GOLGA3: variants seen among roughly 807,000 people sequenced by gnomAD.
GOLGA3 encodes golgin subfamily A member 3.
In GOLGA3, 75 loss-of-function variants were observed where a neutral mutation model predicts 169.4. The observed-to-expected ratio is 0.44, with a 90% CI of 0.37 to 0.54. The LOEUF is 0.54. Among genes scored for constraint, GOLGA3 ranks in the 20% least tolerant of loss-of-function variants. The pLI is 0.00. For missense variants in GOLGA3, 1,899 were observed against 1,930.0 expected, an observed-to-expected ratio of 0.98 and a Z score of 0.30; for synonymous variants, 824 against 822.4, an observed-to-expected ratio of 1.00 and a Z score of -0.03.
Position 132,807,199 on chromosome 12 carries a change from G to A in GOLGA3, c.1268C>T (p.Ala423Val), listed in dbSNP as rs761026406. ...TACCTGACTCGCCTCCAGTGACAAG[G>A]CTTCCAGCTGTCCTTCGAGTCGCAT... ...EKMRLEGQLE[A>V]LSLEASQALK... The change falls in exon 6 of 24, where the codon GCC becomes GTC. Residue 423 changes from alanine to valine, a missense_variant. Coordinates refer to ENST00000450791, the MANE Select transcript of GOLGA3 (RefSeq NM_001389683.1). 58 of 1,605,824 alleles carry A rather than the reference G, an allele frequency of 3.6e-5. No individual in the cohort carries two copies. The highest frequency in any genetic ancestry group is 4.8e-5 in the Non-Finnish European group (57 of 1,175,460).
intron 16 of GOLGA3, chr12:132,783,928 A>G (rs750110022): frequency 1.4e-4 from 203 of 1,435,994 alleles, no homozygotes; most frequent in African/African-American, 2.9e-4. Context: ...GGGTTCCACT[A>G]TGAATTCTGT....
intron 9 of GOLGA3, among the ~76,000 whole-genome samples, 167 bp downstream of exon 9, chr12:132,798,173 G>C (rs1593304874): frequency 7.8e-6 from 1 of 128,288 alleles, no homozygotes. Context: ...GGTGAGGGAT[G>C]AGGGGTGGGG....
chr12:132,800,092 C>T (rs1339722743), intron 8 of GOLGA3, among the ~76,000 whole-genome samples: 1 of 152,192 alleles, frequency 6.6e-6, no homozygotes, highest in Non-Finnish European at 1.5e-5. Flanking sequence ...TTAAATACCT[C>T]ATATAAATGC....
chr12:132,785,180 T>C (rs10781647), intron 15 of GOLGA3, among the ~76,000 whole-genome samples: 105,915 of 152,198 alleles, frequency 0.7, 37,313 homozygotes, highest in East Asian at 0.8. Context: ...TGCAACAGCG[T>C]GGCGAGGGGC....
At chr12:132,825,080 T>G (rs1039051141) in intron 1 of GOLGA3, among the ~76,000 whole-genome samples, 12 of 152,170 alleles carry the variant, frequency 7.9e-5, no homozygotes, top group Non-Finnish European at 1.3e-4. Context: ...ACTGGTACCC[T>G]GTACATCTGG....
Position 132,771,470 on chromosome 12 carries a change from T to C in GOLGA3, c.*1635A>G, listed in dbSNP as rs1159649053. 1 of 152,186 alleles carries C rather than the reference T, an allele frequency of 6.6e-6. No homozygotes were observed. The highest frequency in any genetic ancestry group is 1.9e-4 in the East Asian group (1 of 5,202). The allele number at this position is 152,186 out of a possible 1,614,324, so 9.4% of individuals were successfully genotyped here. A position where few individuals can be genotyped will look rare whatever the true frequency, so the allele number is the denominator to read the frequency against. On this transcript the variant is annotated 3_prime_UTR_variant, in exon 24 of 24. Transcript: ENST00000450791. ...AACTTACAGACCCCACCTCTCCCAGTCAGCCAGTGTCTGCAGGGTTTCAGG... is the reference window on the plus strand; with the variant it reads ...AACTTACAGACCCCACCTCTCCCAGCCAGCCAGTGTCTGCAGGGTTTCAGG...
Position 132,775,130 on chromosome 12 carries a change from G to C in GOLGA3, c.4143+11C>G. On this transcript the variant is annotated intron_variant, in intron 22 of 23. Coordinates refer to ENST00000450791, the MANE Select transcript of GOLGA3 (RefSeq NM_001389683.1). ...CGTCGGCTACCCCGGGAGGGACGCGGGCCTGAGTACCGTCTTGGCCGCGCC... is the reference window on the plus strand; with the variant it reads ...CGTCGGCTACCCCGGGAGGGACGCGCGCCTGAGTACCGTCTTGGCCGCGCC... The C allele has an allele frequency of 6.2e-7, 1 of 1,610,862 alleles. No homozygotes were observed. Among genetic ancestry groups the C allele is most frequent in the African/African-American group, 1.3e-5 (1 of 74,988 alleles).
intron 12 of GOLGA3, among the ~76,000 whole-genome samples, chr12:132,790,315 CA>C (rs1339002059): frequency 1.3e-5 from 2 of 152,142 alleles, no homozygotes; most frequent in African/African-American, 4.8e-5. Context: ...GCCTGGGGTA[CA>C]GAGCGAGACT....
intron 1 of GOLGA3, among the ~76,000 whole-genome samples, chr12:132,825,287 G>C (rs1253821213): frequency 6.6e-6 from 1 of 152,090 alleles, no homozygotes; most frequent in Non-Finnish European, 1.5e-5. Context: ...CAGGTAAAGT[G>C]TCTCGTCTAC....
intron 2 of GOLGA3, among the ~76,000 whole-genome samples, chr12:132,821,428 T>C (rs930264242): frequency 6.6e-6 from 1 of 151,374 alleles, no homozygotes; most frequent in Non-Finnish European, 1.5e-5. Flanking sequence ...AAAGGTAGAA[T>C]TTTAGGCAGG....
chr12:132,790,328 C>A (rs11829157), intron 12 of GOLGA3, among the ~76,000 whole-genome samples: 50,836 of 151,932 alleles, frequency 0.33, 9,745 homozygotes, highest in Non-Finnish European at 0.44. Context: ...AGCGAGACTT[C>A]ATCTCAAAAA....
chr12:132,791,019 C>T (rs374258191), intron 12 of GOLGA3, among the ~76,000 whole-genome samples, 197 bp downstream of exon 12: 2 of 122,490 alleles, frequency 1.6e-5, no homozygotes, highest in East Asian at 4.9e-4. Context: ...TCACTGCACT[C>T]CAGCCTGGCT....
intron 8 of GOLGA3, among the ~76,000 whole-genome samples, chr12:132,799,499 G>C (rs1346252239): frequency 6.6e-6 from 1 of 152,156 alleles, no homozygotes; most frequent in Non-Finnish European, 1.5e-5. Context: ...CAATTAGCCA[G>C]GTGTGATGGT....
At chr12:132,778,159 CCAGGTACT>C (rs2045351839) in intron 18 of GOLGA3, among the ~76,000 whole-genome samples, 1 of 152,182 alleles carries the variant, frequency 6.6e-6, no homozygotes. Context: ...CATGGTGGTC[CCAGGTACT>C]CAGGAGGCTG....
At chr12:132,782,541 A>G (rs770210502) in intron 16 of GOLGA3, 48 bp from the exon 17 acceptor site, 1 of 1,409,536 alleles carries the variant, frequency 7.1e-7, no homozygotes, top group South Asian at 1.2e-5. Context: ...TGGTGAGTGG[A>G]GTTCACATAC....
Position 132,774,229 on chromosome 12 carries a change from T to A in GOLGA3, c.4235A>T (p.Glu1412Val). The change falls in exon 23 of 24, where the codon GAG becomes GTG. Residue 1412 changes from glutamate to valine, a missense_variant. Coordinates refer to ENST00000450791, the MANE Select transcript of GOLGA3 (RefSeq NM_001389683.1). ...DCPVPASLLEELLRPPPAVSK... is the reference protein window; with the variant it reads ...DCPVPASLLEVLLRPPPAVSK... ...CACGGCGGGCGGTGGTCTCAGCAGC[T>A]CCTCCAGCAGCGAGGCGGGAACTGG... 2 of 1,611,904 alleles carry A rather than the reference T, an allele frequency of 1.2e-6. No homozygotes were observed. Among genetic ancestry groups the A allele is most frequent in the Non-Finnish European group, 1.7e-6 (2 of 1,179,832 alleles).
chr12:132,778,712 T>C (rs2045382251), intron 18 of GOLGA3, among the ~76,000 whole-genome samples: 1 of 150,592 alleles, frequency 6.6e-6, no homozygotes, highest in African/African-American at 2.4e-5. Flanking sequence ...CTGGCTAATA[T>C]GGTGAAACCC....
At chr12:132,791,930 G>C (rs1241868733) in intron 11 of GOLGA3, among the ~76,000 whole-genome samples, 1 of 132,986 alleles carries the variant, frequency 7.5e-6, no homozygotes, top group Admixed American at 7.5e-5. Flanking sequence ...CACATCTGCA[G>C]AGTTGTTACA....
rs772378101 is a variant in GOLGA3 at position 132,786,459 on chromosome 12, G to A, written c.3003C>T (p.Asn1001=). ...EMKTKHKAYE[N]AVGILSRRLQ... is the part of the protein sequence containing the mutation. ...GGCGGCGGCTGAGGATGCCCACGGCGTTCTCGTAGGCCTTATGTTTGGTCT... is the reference window on the plus strand; with the variant it reads ...GGCGGCGGCTGAGGATGCCCACGGCATTCTCGTAGGCCTTATGTTTGGTCT... Residue 1001 remains asparagine (N), a synonymous_variant, in exon 15 of 24, where the codon AAC becomes AAT. Transcript: ENST00000450791. 1.1e-5 allele frequency: 17 copies of A among 1,613,500 alleles called. No individual in the cohort carries two copies. The highest frequency in any genetic ancestry group is 4.4e-5 in the South Asian group (4 of 91,074).
Sources: gnomAD v4.1 joint callset for allele counts (sites outside exome capture counted in the v4.1 genomes callset) on GRCh38, gnomAD v4.1.1 for gene constraint, MANE v1.5 for transcripts, NCBI Gene and HGNC (gene_info 2026-07-23, HGNC 2026-07-21) for gene names.